Variants in DMD observed in about 807,000 individuals in gnomAD.
DMD encodes the protein dystrophin.
DMD carries 63 observed loss-of-function variants against 330.1 expected under a neutral mutation model. That is an observed-to-expected ratio of 0.19 (90% CI 0.16 to 0.24). The LOEUF is 0.24. Ranked by LOEUF, DMD falls within the 10% of genes least tolerant of loss-of-function variation. DMD has a pLI of 1.00. For synonymous variants in DMD, 1,223 were observed against 959.8 expected (o/e 1.27, Z -5.07); for missense variants, 3,344 against 2,684.1 (o/e 1.25, Z -5.43).
At chrX:33,082,431 G>A (rs2094944487) in intron 1 of DMD, among the ~76,000 whole-genome samples, 1 of 112,273 alleles carries the variant, frequency 8.9e-6, no homozygotes, top group Non-Finnish European at 1.9e-5. Context: ...GAAAATTCAA[G>A]AGAGGAAATC....
Position 31,627,866 on chromosome X carries a change from C to A in DMD, c.8028-4G>T. On this transcript the variant is annotated splice_region_variant and splice_polypyrimidine_tract_variant and intron_variant, in intron 54 of 78. Transcript: ENST00000357033. ...AGCAGCCTCTCGCTCACTCACCCTG[C>A]AAAGGACCAAATGTTCAGATGCAAT... 1.7e-6 allele frequency: 2 copies of A among 1,202,267 alleles called. No individual in the cohort carries two copies. Among genetic ancestry groups the A allele is most frequent in the Non-Finnish European group, 2.2e-6 (2 of 889,401 alleles).
In DMD at chrX:32,699,766, A is replaced by T. The variant is rs192883383; in HGVS notation, c.650-473T>A. ...TTTAACTGAATGTTGCTGATATTAAAGTATGCAGAGAGCTAAATAAGTCTC... is the reference window on the plus strand; with the variant it reads ...TTTAACTGAATGTTGCTGATATTAATGTATGCAGAGAGCTAAATAAGTCTC... On this transcript the variant is annotated intron_variant, in intron 7 of 78. Coordinates refer to ENST00000357033, the MANE Select transcript of DMD (RefSeq NM_004006.3). Among the ~76,000 whole-genome samples, 557 of 112,007 alleles carry T rather than the reference A, an allele frequency of 5.0e-3. 12 individuals are homozygous for T. Among genetic ancestry groups the T allele is most frequent in the African/African-American group, 0.017 (528 of 30,912 alleles).
chrX:31,290,787 CA>C (rs754438205), intron 62 of DMD, among the ~76,000 whole-genome samples: 25 of 111,470 alleles, frequency 2.2e-4, no homozygotes, highest in Non-Finnish European at 4.7e-4. Flanking sequence ...AAGGCAAAAG[CA>C]AACAAACAAA....
chrX:32,551,721 A>G (rs1223902169), intron 16 of DMD, among the ~76,000 whole-genome samples: 2 of 111,286 alleles, frequency 1.8e-5, no homozygotes, highest in Admixed American at 9.6e-5. Flanking sequence ...ATGAGGTTCT[A>G]TACTTTGGCC....
intron 67 of DMD, among the ~76,000 whole-genome samples, chrX:31,186,460 T>C (rs1016881081): frequency 1.8e-5 from 2 of 111,343 alleles, no homozygotes; most frequent in Non-Finnish European, 3.8e-5. Flanking sequence ...TGAGAACACA[T>C]GGGCAGATAG....
intron 17 of DMD, among the ~76,000 whole-genome samples, chrX:32,532,957 T>A (rs1292582684): frequency 8.9e-6 from 1 of 112,255 alleles, no homozygotes; most frequent in Non-Finnish European, 1.9e-5. Context: ...TAAATAAAAT[T>A]TTACTGGAAC....
intron 29 of DMD, among the ~76,000 whole-genome samples, chrX:32,430,591 C>T (rs1286746907): frequency 1.8e-5 from 2 of 111,642 alleles, no homozygotes; most frequent in Non-Finnish European, 3.8e-5. Context: ...AAGGTCTATC[C>T]TCTTAGCAAA....
At chrX:32,400,067 C>T (rs967843462) in intron 30 of DMD, among the ~76,000 whole-genome samples, 6 of 111,323 alleles carry the variant, frequency 5.4e-5, no homozygotes, top group Non-Finnish European at 1.1e-4. Flanking sequence ...CGGTTTTTGC[C>T]CATTCAGTAT....
intron 48 of DMD, among the ~76,000 whole-genome samples, chrX:31,871,709 T>A (rs1380856954): frequency 9.1e-6 from 1 of 109,883 alleles, no homozygotes; most frequent in Non-Finnish European, 1.9e-5. Flanking sequence ...AAGGTGTTTT[T>A]TTTTTTTTAC....
intron 62 of DMD, among the ~76,000 whole-genome samples, chrX:31,319,960 T>A (rs931140901): frequency 8.9e-6 from 1 of 112,194 alleles, no homozygotes; most frequent in Admixed American, 9.5e-5. Flanking sequence ...AGTTTGACAG[T>A]AGGCCAAAAA....
At chrX:32,219,243 A>T in intron 43 of DMD, among the ~76,000 whole-genome samples, 1 of 112,131 alleles carries the variant, frequency 8.9e-6, no homozygotes, top group Non-Finnish European at 1.9e-5. Flanking sequence ...ATAATTTAGC[A>T]TTCATATATT....
intron 63 of DMD, among the ~76,000 whole-genome samples, chrX:31,225,064 G>A (rs930130305): frequency 6.2e-5 from 7 of 112,595 alleles, no homozygotes; most frequent in African/African-American, 2.3e-4. Flanking sequence ...GTGGTTACAC[G>A]AGTGTATACA....
rs1461592510 is a variant in DMD, at chrX:32,608,700, G to A, written c.1482+5603C>T. On this transcript the variant is annotated intron_variant, in intron 12 of 78. Coordinates refer to ENST00000357033, the MANE Select transcript of DMD (RefSeq NM_004006.3). ...AAACTAGTCAATATAATCAGAACAT[G>A]TGTTCTAAAAACATTTACTGAGCAT... 2.7e-4 allele frequency among the ~76,000 whole-genome samples: 30 copies of A among 110,597 alleles called. 1 individual carries two copies. The highest frequency in any genetic ancestry group is 5.2e-4 in the Non-Finnish European group (27 of 52,352).
intron 44 of DMD, among the ~76,000 whole-genome samples, chrX:32,086,543 G>A (rs138413220): frequency 0.011 from 1,226 of 111,118 alleles, 8 homozygotes; most frequent in South Asian, 0.042. Context: ...TTTGTTGTTG[G>A]GTGGGGGGGA....
Position 32,189,170 on chromosome X carries a change from A to T in DMD, c.6438+27746T>A, listed in dbSNP as rs182210948. ...TGCACAATAATCCTATTTAACAATA[A>T]TTTTTCTTCTTTAAAAATATTTCTT... On this transcript the variant is annotated intron_variant, in intron 44 of 78. Coordinates refer to ENST00000357033, the MANE Select transcript of DMD (RefSeq NM_004006.3). 8.7e-3 allele frequency among the ~76,000 whole-genome samples: 958 copies of T among 110,455 alleles called. 8 individuals are homozygous for T. The highest frequency in any genetic ancestry group is 0.052 in the Middle Eastern group (11 of 212).
Position 32,532,702 on chromosome X carries a change from C to T in DMD, c.2168+12457G>A, listed in dbSNP as rs1307859534. On this transcript the variant is annotated intron_variant, in intron 17 of 78. Transcript: ENST00000357033. Reference sequence around the variant, plus strand: ...TGATCCTTTTTTAACTGGCTTTAAGCCCTATGCCATTTCTCACTTTCTCAC... The same window carrying T: ...TGATCCTTTTTTAACTGGCTTTAAGTCCTATGCCATTTCTCACTTTCTCAC... Among the ~76,000 whole-genome samples, 3 of 112,372 alleles carry T rather than the reference C, an allele frequency of 2.7e-5. No homozygotes were observed. In the East Asian group the frequency reaches 8.4e-4, roughly 31 times the overall value.
At chrX:31,853,586 G>GT (rs2093566953) in intron 48 of DMD, among the ~76,000 whole-genome samples, 2 of 111,313 alleles carry the variant, frequency 1.8e-5, no homozygotes, top group Admixed American at 9.5e-5. Context: ...TGAGTAAAGG[G>GT]TTAAAAACAC....
chrX:32,118,422 G>C (rs1219935422), intron 44 of DMD, among the ~76,000 whole-genome samples: 1 of 111,286 alleles, frequency 9.0e-6, no homozygotes, highest in African/African-American at 3.3e-5. Context: ...CCATGGTTAA[G>C]CTCCAGCAAT....
intron 76 of DMD, among the ~76,000 whole-genome samples, chrX:31,145,720 TG>T (rs914351508): frequency 1.9e-5 from 2 of 104,584 alleles, no homozygotes; most frequent in African/African-American, 7.3e-5. Flanking sequence ...TGGAGTGCAA[TG>T]GTGCCATCTT....
Sources: allele counts gnomAD v4.1 joint callset (sites outside exome capture counted in the v4.1 genomes callset), GRCh38; gene constraint gnomAD v4.1.1; transcripts MANE v1.5; gene names NCBI Gene and HGNC (gene_info 2026-07-23, HGNC 2026-07-21).